CEP57: variants seen among roughly 807,000 people sequenced by gnomAD.
CEP57 encodes centrosomal protein 57, also known as centrosomal protein of 57 kDa.
In CEP57, 40 loss-of-function variants were observed where a neutral mutation model predicts 68.0. The observed-to-expected ratio is 0.59, with a 90% CI of 0.46 to 0.77. CEP57 has a LOEUF of 0.77. Ranked by LOEUF, CEP57 falls within the 30% of genes least tolerant of loss-of-function variation. CEP57 has a pLI of 0.00. For missense variants in CEP57, 606 were observed against 580.7 expected, an observed-to-expected ratio of 1.04 and a Z score of -0.45; for synonymous variants, 219 against 198.7, an observed-to-expected ratio of 1.10 and a Z score of -0.86.
chr11:95,801,450 C>CAAAAA (rs200265603), intron 2 of CEP57, among the ~76,000 whole-genome samples: 36 of 66,672 alleles, frequency 5.4e-4, no homozygotes, highest in Middle Eastern at 0.01. Context: ...TTTTAAAAAG[C>CAAAAA]AAAAAAAAAA....
intron 10 of CEP57, 115 bp downstream of exon 10, chr11:95,829,446 C>T (rs750223742): frequency 1.9e-6 from 2 of 1,078,290 alleles, no homozygotes; most frequent in Non-Finnish European, 2.8e-6. Flanking sequence ...ACAGGAGATA[C>T]TTCTTTACTG....
chr11:95,831,642 CT>C lies in CEP57; in HGVS notation c.*388del, dbSNP rs1863012404. The C allele has an allele frequency of 1.3e-5, 2 of 152,960 alleles. No individual in the cohort carries two copies. Among genetic ancestry groups the C allele is most frequent in the African/African-American group, 4.8e-5 (2 of 41,420 alleles). The allele number at this position is 152,960 out of a possible 1,614,324, so 9.5% of individuals were successfully genotyped here. A position where few individuals can be genotyped will look rare whatever the true frequency, so the allele number is the denominator to read the frequency against. The stretch of plus-strand genomic sequence containing the variant: ...GAGACTATGCTATAGGCAGTGCTTG[CT>C]TGAAAAGTCTCATTTTTAAATCTCC... On this transcript the variant is annotated 3_prime_UTR_variant, in exon 11 of 11. Coordinates refer to ENST00000325542, the MANE Select transcript of CEP57 (RefSeq NM_014679.5).
chr11:95,811,395 A>C (rs927897834), intron 2 of CEP57, among the ~76,000 whole-genome samples: 4 of 134,160 alleles, frequency 3.0e-5, no homozygotes, highest in Non-Finnish European at 4.7e-5. Flanking sequence ...ACACTTGGAC[A>C]CAGGGTGGGG....
In CEP57 at chr11:95,821,949, A is replaced by T. The variant is rs773014425; in HGVS notation, c.778A>T (p.Lys260Ter). ...TPCVPNARRIKKKKSKPPEKK... is the reference protein window; with the variant it reads ...TPCVPNARRI ...GTGTGTTCCCAATGCAAGAAGAATTAAAAAAAAGAAGTCAAAACCACCAGA... is the reference window on the plus strand; with the variant it reads ...GTGTGTTCCCAATGCAAGAAGAATTTAAAAAAAGAAGTCAAAACCACCAGA... Residue 260 changes from lysine to a stop codon, truncating the protein, a stop_gained, in exon 7 of 11, where the codon AAA becomes TAA. Coordinates refer to ENST00000325542, the MANE Select transcript of CEP57 (RefSeq NM_014679.5). LOFTEE classifies it high-confidence loss of function. 1 of 1,608,038 alleles carries T rather than the reference A, an allele frequency of 6.2e-7. No individual in the cohort carries two copies. Among genetic ancestry groups the T allele is most frequent in the Admixed American group, 1.7e-5 (1 of 59,874 alleles).
chr11:95,794,075 T>A, intron 1 of CEP57: 1 of 322,778 alleles, frequency 3.1e-6, no homozygotes, highest in South Asian at 2.6e-5. Context: ...CAGCATTCTT[T>A]TTTTAAAGCA....
chr11:95,818,207 T>A (rs977447326), intron 5 of CEP57, among the ~76,000 whole-genome samples: 1 of 151,254 alleles, frequency 6.6e-6, no homozygotes, highest in Non-Finnish European at 1.5e-5. Context: ...AGGTCAGGAG[T>A]TCAAGACCAG....
At chr11:95,791,530 G>A (rs1861076397) in intron 1 of CEP57, among the ~76,000 whole-genome samples, 1 of 152,136 alleles carries the variant, frequency 6.6e-6, no homozygotes, top group South Asian at 2.1e-4. Context: ...TTCGATGCCT[G>A]GTATACTGTT....
chr11:95,790,587 A>G lies in CEP57; in HGVS notation c.-112A>G, dbSNP rs1860977166. ...AGCACCAGCACCCTTGCCCTTTTCC[A>G]TCAGGGGTTCAGCCTAGGGTCCCCG... On this transcript the variant is annotated 5_prime_UTR_variant, in exon 1 of 11. Transcript: ENST00000325542. 5 of 1,329,314 alleles carry G rather than the reference A, an allele frequency of 3.8e-6. No homozygotes were observed. In the East Asian group the frequency reaches 1.0e-4, roughly 27 times the overall value. 82.3% of individuals were successfully genotyped at this position (1,329,314 alleles called of 1,614,324 possible).
rs920556657 is a variant in CEP57, at chr11:95,831,190, G to A, written c.1437G>A (p.Gln479=). 28 of 1,613,536 alleles carry A rather than the reference G, an allele frequency of 1.7e-5. No individual in the cohort carries two copies. The highest frequency in any genetic ancestry group is 2.3e-5 in the Non-Finnish European group (27 of 1,179,628). Reference sequence around the variant, plus strand: ...GAGAAAAAAGGAGAAAAAATCTTCAGTTATTGAAGGACATGCAAAGCATAC... The same window carrying A: ...GAGAAAAAAGGAGAAAAAATCTTCAATTATTGAAGGACATGCAAAGCATAC... ...RPGEKRRKNL[Q]LLKDMQSIQN... The change falls in exon 11 of 11, where the codon CAG becomes CAA. Residue 479 remains glutamine, a synonymous_variant. Transcript: ENST00000325542.
chr11:95,796,906 A>G (rs979850740), intron 1 of CEP57, among the ~76,000 whole-genome samples: 1 of 152,184 alleles, frequency 6.6e-6, no homozygotes, highest in African/African-American at 2.4e-5. Context: ...AGAAACAGCC[A>G]AATGGAGGAG....
At chr11:95,804,664 C>T (rs586498) in intron 2 of CEP57, among the ~76,000 whole-genome samples, 42,382 of 152,028 alleles carry the variant, frequency 0.28, 7,085 homozygotes, top group Non-Finnish European at 0.38. Flanking sequence ...GAGGTGCATA[C>T]GTGAAGACTT....
chr11:95,827,964 G>T lies in CEP57; in HGVS notation c.1064G>T (p.Gly355Val). Residue 355 changes from glycine to valine, a missense_variant, in exon 9 of 11, where the codon GGT becomes GTT. Transcript: ENST00000325542. The stretch of plus-strand genomic sequence containing the variant: ...TCAGTAACACCTCCCTCCTCCAACG[G>T]TATTAATGAGGAGTTGTCAGAAGTC... The part of the protein sequence containing the change: ...KLSVTPPSSN[G>V]INEELSEVLQ... 4 of 1,613,954 alleles carry T rather than the reference G, an allele frequency of 2.5e-6. No homozygotes were observed. The highest frequency in any genetic ancestry group is 3.4e-6 in the Non-Finnish European group (4 of 1,179,918).
chr11:95,830,525 T>G (rs139919798), intron 10 of CEP57, among the ~76,000 whole-genome samples: 1 of 152,290 alleles, frequency 6.6e-6, no homozygotes, highest in African/African-American at 2.4e-5. Flanking sequence ...AATAAAATTC[T>G]TTTCATAGTA....
chr11:95,813,581 G>A lies in CEP57; in HGVS notation c.496G>A (p.Glu166Lys), dbSNP rs1862171069. The A allele has an allele frequency of 6.2e-7, 1 of 1,612,900 alleles. No homozygotes were observed. The highest frequency in any genetic ancestry group is 8.5e-7 in the Non-Finnish European group (1 of 1,179,922). Residue 166 changes from glutamate to lysine, a missense_variant, in exon 4 of 11, where the codon GAG (glutamate) becomes AAG (lysine). Glu to Lys is a moderately conservative substitution (Grantham distance 56). Coordinates refer to ENST00000325542, the MANE Select transcript of CEP57 (RefSeq NM_014679.5). ...HAEMERTSVL[E>K]KQVSLERERQ... is the part of the protein sequence containing the mutation. The stretch of plus-strand genomic sequence containing the variant: ...CGAAATGGAGAGGACATCTGTCTTA[G>A]AGAAACAAGTAAGTAAAGCACCTCA...
chr11:95,811,786 ATAAC>A (rs1192519129), intron 2 of CEP57, among the ~76,000 whole-genome samples: 2 of 152,222 alleles, frequency 1.3e-5, no homozygotes, highest in Admixed American at 1.3e-4. Flanking sequence ...GAAATGGAAA[ATAAC>A]TAGGAGTAGC....
At chr11:95,825,200 G>T (rs1862687362) in intron 8 of CEP57, among the ~76,000 whole-genome samples, 1 of 152,060 alleles carries the variant, frequency 6.6e-6, no homozygotes, top group African/African-American at 2.4e-5. Context: ...ACATTATGAG[G>T]GTCTGGAAGG....
chr11:95,796,130 T>C (rs1463049123), intron 1 of CEP57, among the ~76,000 whole-genome samples: 1 of 152,232 alleles, frequency 6.6e-6, no homozygotes, highest in Non-Finnish European at 1.5e-5. Context: ...CTTGCAGCTG[T>C]GTTGCATGTG....
intron 4 of CEP57, among the ~76,000 whole-genome samples, chr11:95,816,619 C>T (rs1236668332): frequency 6.6e-6 from 1 of 152,102 alleles, no homozygotes; most frequent in Non-Finnish European, 1.5e-5. Flanking sequence ...CACACAAATT[C>T]CTAAATTATT....
chr11:95,811,152 A>G (rs1452275930), intron 2 of CEP57, among the ~76,000 whole-genome samples: 1 of 152,210 alleles, frequency 6.6e-6, no homozygotes, highest in South Asian at 2.1e-4. Context: ...TTATTGCGGC[A>G]CGGTTCACAA....
Sources: gnomAD v4.1 joint callset for allele counts (sites outside exome capture counted in the v4.1 genomes callset) on GRCh38, gnomAD v4.1.1 for gene constraint, MANE v1.5 for transcripts, NCBI Gene and HGNC (gene_info 2026-07-23, HGNC 2026-07-21) for gene names.